The following CACNA1C variants were observed in gnomAD, a reference collection of about 807,000 sequenced individuals.
CACNA1C encodes the protein calcium voltage-gated channel subunit alpha1 C.
A neutral mutation model predicts 229.0 loss-of-function variants in CACNA1C; 30 were observed. That is an observed-to-expected ratio of 0.13 (90% CI 0.10 to 0.18). The LOEUF is 0.18. Among genes scored for constraint, CACNA1C ranks in the 10% least tolerant of loss-of-function variants. CACNA1C has a pLI of 1.00. For missense variants in CACNA1C, 1,658 were observed against 2,845.0 expected (o/e 0.58, Z 9.49); for synonymous variants, 1,114 against 1,132.5 (o/e 0.98, Z 0.33).
chr12:2,088,976 G>A (rs531683126), intron 1 of CACNA1C, among the ~76,000 whole-genome samples: 5 of 152,272 alleles, frequency 3.3e-5, no homozygotes, highest in South Asian at 4.1e-4. Flanking sequence ...AGGGCTGTGC[G>A]CGCAGACCTA....
At position 2,633,971 on chromosome 12, in the gene CACNA1C, G is replaced by A. The variant is rs1240006193; in HGVS notation, c.3829-326G>A. On this transcript the variant is annotated intron_variant, in intron 29 of 46. Coordinates refer to ENST00000399655, the MANE Select transcript of CACNA1C (RefSeq NM_000719.7). The surrounding 1 kb of genome is among the most constrained non-coding windows in gnomAD (Gnocchi z 5.8). ...GGGCTGGGGCGTGGAGCTGAGCAGAGGGAGTGGCGGTGCAGGGGACACACC... is the reference window on the plus strand; with the variant it reads ...GGGCTGGGGCGTGGAGCTGAGCAGAAGGAGTGGCGGTGCAGGGGACACACC... Among the ~76,000 whole-genome samples, 1 of 152,172 alleles carries A rather than the reference G, an allele frequency of 6.6e-6. No individual in the cohort carries two copies. Among genetic ancestry groups the A allele is most frequent in the Non-Finnish European group, 1.5e-5 (1 of 68,042 alleles).
chr12:2,429,517 G>A (rs1343858766), intron 3 of CACNA1C, among the ~76,000 whole-genome samples: 2 of 152,106 alleles, frequency 1.3e-5, no homozygotes, highest in East Asian at 3.9e-4. Flanking sequence ...AGTCCAGTGG[G>A]GTAAACCTTG....
chr12:2,438,287 A>ATG (rs1169158314), intron 3 of CACNA1C, among the ~76,000 whole-genome samples: 1 of 22,568 alleles, frequency 4.4e-5, no homozygotes, highest in Admixed American at 4.6e-4. Context: ...GATAGTGGTA[A>ATG]TGATGGTGGT....
chr12:2,272,066 C>A (rs1173819087), intron 3 of CACNA1C, among the ~76,000 whole-genome samples: 1 of 152,152 alleles, frequency 6.6e-6, no homozygotes, highest in Non-Finnish European at 1.5e-5. Context: ...ACTAGTATCC[C>A]CCAGTGTTCC....
At chr12:2,476,138 A>G (rs73044401) in intron 5 of CACNA1C, among the ~76,000 whole-genome samples, 9,655 of 152,326 alleles carry the variant, frequency 0.063, 436 homozygotes, top group Middle Eastern at 0.2. Flanking sequence ...GGCAGCACAG[A>G]GGGACGGCCA....
chr12:1,990,373 C>A (rs975216915), intron 1 of CACNA1C, among the ~76,000 whole-genome samples: 4 of 152,142 alleles, frequency 2.6e-5, no homozygotes, highest in South Asian at 2.1e-4. Flanking sequence ...ATGTTTAAAC[C>A]CTTTAAACAA....
At chr12:2,156,884 C>G (rs2095579444) in intron 3 of CACNA1C, among the ~76,000 whole-genome samples, 1 of 152,348 alleles carries the variant, frequency 6.6e-6, no homozygotes, top group Middle Eastern at 3.4e-3. Context: ...TGGAGATGTT[C>G]TGCCTTCATG....
intron 1 of CACNA1C, among the ~76,000 whole-genome samples, chr12:2,077,656 C>T (rs1595204266): frequency 2.0e-5 from 3 of 152,218 alleles, no homozygotes; most frequent in Admixed American, 2.0e-4. Context: ...GGGTTTGGGG[C>T]TGAGGAGGCA....
In CACNA1C at chr12:2,677,928, G is replaced by A. The variant is rs1166196568; in HGVS notation, c.5091+61G>A. On this transcript the variant is annotated intron_variant, in intron 41 of 46. Coordinates refer to ENST00000399655, the MANE Select transcript of CACNA1C (RefSeq NM_000719.7). The surrounding 1 kb of genome is among the most constrained non-coding windows in gnomAD (Gnocchi z 7.4). The stretch of plus-strand genomic sequence containing the variant: ...AAGTTCAGTTTGGAGCAAGAGGTTG[G>A]GCTGGGGTTTTGCGGGGAACGTCCA... The A allele has an allele frequency of 1.9e-6, 3 of 1,595,892 alleles. No homozygotes were observed. The highest frequency in any genetic ancestry group is 2.6e-6 in the Non-Finnish European group (3 of 1,166,276).
intron 3 of CACNA1C, among the ~76,000 whole-genome samples, chr12:2,383,320 T>G (rs2098298128): frequency 6.6e-6 from 1 of 152,184 alleles, no homozygotes; most frequent in South Asian, 2.1e-4. Context: ...CCTAGGGGCC[T>G]GGAATTTCCC....
intron 3 of CACNA1C, among the ~76,000 whole-genome samples, chr12:2,411,817 G>A (rs1316508807): frequency 2.0e-5 from 3 of 152,254 alleles, no homozygotes; most frequent in Admixed American, 6.5e-5. Flanking sequence ...GCAGAAAGCT[G>A]CACCATCCTT....
Position 2,029,203 on chromosome 12 carries a change from A to C in CACNA1C, c.139+58002A>C, listed in dbSNP as rs1163183892. 6.6e-6 allele frequency among the ~76,000 whole-genome samples: 1 copy of C among 152,204 alleles called. No homozygotes were observed. Among genetic ancestry groups the C allele is most frequent in the Non-Finnish European group, 1.5e-5 (1 of 68,028 alleles). ...GAGAGACTCCTGACACAGTCCTGGG[A>C]ACCTGCATTCTATCGGAAAGCCAGT... On this transcript the variant is annotated intron_variant, in intron 1 of 46. Coordinates refer to the CACNA1C transcript ENST00000682462. The surrounding 1 kb of genome is among the most constrained non-coding windows in gnomAD (Gnocchi z 4.9).
At chr12:2,349,353 A>G (rs2097140994) in intron 3 of CACNA1C, among the ~76,000 whole-genome samples, 1 of 152,160 alleles carries the variant, frequency 6.6e-6, no homozygotes, top group Non-Finnish European at 1.5e-5. Context: ...CTAACTGGGT[A>G]TGGAATTTCA....
chr12:2,201,015 C>T (rs534421918), intron 3 of CACNA1C, among the ~76,000 whole-genome samples: 2 of 152,308 alleles, frequency 1.3e-5, no homozygotes, highest in African/African-American at 4.8e-5. Context: ...TGCAATATCT[C>T]GTTTTTTGGA....
chr12:1,982,710 A>G (rs1354865212), intron 1 of CACNA1C, among the ~76,000 whole-genome samples: 3 of 152,112 alleles, frequency 2.0e-5, no homozygotes, highest in African/African-American at 7.2e-5. Context: ...GAGGATTTTT[A>G]TACCTATATT....
In CACNA1C at chr12:2,686,542, C is replaced by T. The variant is rs567891603; in HGVS notation, c.5784+273C>T. On this transcript the variant is annotated intron_variant, in intron 45 of 46. Transcript: ENST00000399655. ...CCTGAGGACCCACAGCTGCAGGTTC[C>T]ACCTGAGCTTTCTTCTTAGGCTGCC... Among the ~76,000 whole-genome samples the T allele has an allele frequency of 5.3e-5, 8 of 152,362 alleles. No homozygotes were observed. In the South Asian group the frequency reaches 1.7e-3, roughly 32 times the overall value.
At chr12:2,156,581 A>G (rs903356071) in intron 3 of CACNA1C, among the ~76,000 whole-genome samples, 1 of 152,238 alleles carries the variant, frequency 6.6e-6, no homozygotes, top group Non-Finnish European at 1.5e-5. Context: ...CCAGTTGCTT[A>G]CAGGGCTTTG....
intron 5 of CACNA1C, among the ~76,000 whole-genome samples, chr12:2,466,027 A>G (rs1164769254): frequency 6.6e-6 from 1 of 152,162 alleles, no homozygotes; most frequent in Non-Finnish European, 1.5e-5. Context: ...CTGAGTGCCA[A>G]GTCCCCAGGT....
chr12:2,611,472 G>A (rs1174129184), intron 28 of CACNA1C, among the ~76,000 whole-genome samples: 1 of 150,476 alleles, frequency 6.6e-6, no homozygotes, highest in East Asian at 2.0e-4. Flanking sequence ...GGAGAAGGGA[G>A]GGATGAGCTG....
Sources: allele counts gnomAD v4.1 joint callset (sites outside exome capture counted in the v4.1 genomes callset), GRCh38; gene constraint gnomAD v4.1.1; non-coding constraint Gnocchi (gnomAD v3.1); transcripts MANE v1.5; gene names NCBI Gene and HGNC (gene_info 2026-07-23, HGNC 2026-07-21).